The following DLG4 variants were observed in gnomAD, a reference collection of about 807,000 sequenced individuals.
DLG4 encodes disks large homolog 4.
In DLG4, 7 loss-of-function variants were observed where a neutral mutation model predicts 93.8. That is an observed-to-expected ratio of 0.07 (90% CI 0.04 to 0.14). The LOEUF (loss-of-function observed/expected upper bound fraction) is 0.14. DLG4 is among the 10% of genes least tolerant of loss of function. The probability of loss-of-function intolerance (pLI) is 1.00; values close to 1 mark genes in which losing one functional copy is unlikely to be tolerated. For synonymous variants in DLG4, 341 were observed against 387.6 expected (o/e 0.88, Z 1.41); for missense variants, 545 against 992.9 (o/e 0.55, Z 6.06).
rs1375352802 is a variant in DLG4 at position 7,187,685 on chromosome 17, G to A, written c.*3023C>T. Among the ~76,000 whole-genome samples the A allele has an allele frequency of 6.6e-6, 1 of 152,052 alleles. No homozygotes were observed. The highest frequency in any genetic ancestry group is 1.5e-5 in the Non-Finnish European group (1 of 68,024). The stretch of plus-strand genomic sequence containing the variant: ...CTGCACACACCTTCCTCAGCTCCTA[G>A]ATTTCTCCCTTCAGCTCACGATAGA... On this transcript the variant is annotated 3_prime_UTR_variant, in exon 20 of 20. Transcript: ENST00000399506.
At chr17:7,202,148 C>T (rs541178992) in intron 8 of DLG4, among the ~76,000 whole-genome samples, 40 of 152,328 alleles carry the variant, frequency 2.6e-4, no homozygotes, top group African/African-American at 9.6e-4. Context: ...CAATCATTGG[C>T]TTACTGCAGC....
Position 7,203,142 on chromosome 17 carries a change from G to C in DLG4, c.642+51C>G. The C allele has an allele frequency of 1.3e-6, 2 of 1,570,362 alleles. No homozygotes were observed. The highest frequency in any genetic ancestry group is 1.7e-6 in the Non-Finnish European group (2 of 1,150,234). ...GATGAACTTGGGCCTGCCAGGGCTA[G>C]TAGGTGAGACCCAAATCTGGGCTAG... On this transcript the variant is annotated intron_variant, in intron 7 of 19. Transcript: ENST00000399506. This position sits in a 1 kb window ranked among gnomAD's most constrained non-coding sequence, Gnocchi z 7.2.
rs2070985180 is a variant in DLG4 at position 7,217,560 on chromosome 17, G to A, written c.-413C>T. The A allele has an allele frequency of 3.3e-6, 3 of 898,132 alleles. No individual in the cohort carries two copies. Among genetic ancestry groups the A allele is most frequent in the Non-Finnish European group, 3.9e-6 (3 of 761,518 alleles). 55.6% of individuals were successfully genotyped at this position (898,132 alleles called of 1,614,324 possible). ...CTAGGGGCCGTGGCGGGGGAGTGGG[G>A]TGGGGGGGTTGGAAACGGCAGCGGC... On this transcript the variant is annotated 5_prime_UTR_variant, in exon 1 of 20. Coordinates refer to ENST00000399506, the MANE Select transcript of DLG4 (RefSeq NM_001321075.3).
rs375858040 is a variant in DLG4 at position 7,196,458 on chromosome 17, C to T, written c.1186+15G>A. 5.6e-6 allele frequency: 9 copies of T among 1,613,736 alleles called. No homozygotes were observed. In the African/African-American group the frequency reaches 1.2e-4, roughly 22 times the overall value. On this transcript the variant is annotated intron_variant, in intron 10 of 19. Coordinates refer to ENST00000399506, the MANE Select transcript of DLG4 (RefSeq NM_001321075.3). The surrounding 1 kb of genome is among the most constrained non-coding windows in gnomAD (Gnocchi z 8.3). ...CCATTTCAGCTCACAAGACAAGGAA[C>T]TTCCGGCCTGGTACCTTCTGGTTTA... is the stretch of plus-strand genomic sequence containing the variant.
rs150316954 is a variant in DLG4, at chr17:7,189,218, G to A, written c.*1490C>T. On this transcript the variant is annotated 3_prime_UTR_variant, in exon 20 of 20. Coordinates refer to ENST00000399506, the MANE Select transcript of DLG4 (RefSeq NM_001321075.3). ...TGTAAAGATCATTTCCAGGCCAGGC[G>A]CGGTGGCTCACGCCTGTAATCCCAG... is the stretch of plus-strand genomic sequence containing the variant. Among the ~76,000 whole-genome samples the A allele has an allele frequency of 0.015, 2,308 of 151,686 alleles. 23 individuals carry two copies. The highest frequency in any genetic ancestry group is 0.023 in the Non-Finnish European group (1,536 of 67,906).
Position 7,196,377 on chromosome 17 carries a change from A to G in DLG4, c.1187-43T>C, listed in dbSNP as rs376494277. ...GGTTTCTGAGCTCTGTCCCCATCCT[A>G]CTGTCACCCCTGTCCTCCCCTACTG... On this transcript the variant is annotated intron_variant, in intron 10 of 19. Coordinates refer to ENST00000399506, the MANE Select transcript of DLG4 (RefSeq NM_001321075.3). This position sits in a 1 kb window ranked among gnomAD's most constrained non-coding sequence, Gnocchi z 8.3. 4 of 1,610,504 alleles carry G rather than the reference A, an allele frequency of 2.5e-6. No homozygotes were observed. Among genetic ancestry groups the G allele is most frequent in the African/African-American group, 2.7e-5 (2 of 74,952 alleles).
chr17:7,196,987 C>G lies in DLG4; in HGVS notation c.853G>C (p.Ala285Pro). Reference sequence around the variant, plus strand: ...CGCCGAGGGGAAGTGGGGGTCATGGCTGTGGGGTAGTCGGTGCCCAGGTAG... The same window carrying G: ...CGCCGAGGGGAAGTGGGGGTCATGGGTGTGGGGTAGTCGGTGCCCAGGTAG... The part of the protein sequence containing the change: ...SSYLGTDYPT[A>P]MTPTSPRRYS... The change falls in exon 9 of 20, where the codon GCC becomes CCC. Residue 285 changes from alanine (A) to proline (P), a missense_variant. Physicochemically the swap from Ala to Pro is conservative, Grantham distance 27. Transcript: ENST00000399506. This position sits in a 1 kb window ranked among gnomAD's most constrained non-coding sequence, Gnocchi z 8.3. 6.2e-7 allele frequency: 1 copy of G among 1,613,712 alleles called. No individual in the cohort carries two copies.
rs775658206 is a variant in DLG4 at position 7,203,551 on chromosome 17, G to A, written c.378C>T (p.Arg126=). ...SILFVNEVDV[R]EVTHSAAVEA... The stretch of plus-strand genomic sequence containing the variant: ...CCACCGCCGCTGAGTGGGTCACCTC[G>A]CGCACGTCCACTTCATTTACAAACA... The change falls in exon 6 of 20, where the codon CGC becomes CGT. Residue 126 remains arginine, a synonymous_variant. Coordinates refer to ENST00000399506, the MANE Select transcript of DLG4 (RefSeq NM_001321075.3). This position sits in a 1 kb window ranked among gnomAD's most constrained non-coding sequence, Gnocchi z 7.2. The A allele has an allele frequency of 9.9e-6, 16 of 1,613,224 alleles. No homozygotes were observed. The highest frequency in any genetic ancestry group is 3.3e-4 in the Middle Eastern group (2 of 6,062).
chr17:7,205,692 T>G (rs2070426092), intron 2 of DLG4, among the ~76,000 whole-genome samples: 2 of 144,786 alleles, frequency 1.4e-5, no homozygotes, highest in East Asian at 2.1e-4. Flanking sequence ...CATCCACGTG[T>G]TCATCCCCCA....
Position 7,191,354 on chromosome 17 carries a change from T to C in DLG4, c.1981A>G (p.Ile661Val). The C allele has an allele frequency of 6.2e-7, 1 of 1,613,802 alleles. No homozygotes were observed. The highest frequency in any genetic ancestry group is 8.5e-7 in the Non-Finnish European group (1 of 1,179,814). Residue 661 changes from isoleucine to valine, a missense_variant, in exon 19 of 20, where the codon ATT becomes GTT. By Grantham distance (29) the Ile-to-Val change is conservative. This residue lies in a region of DLG4 where 428 missense variants were observed against 741.4 expected (regional missense o/e 0.58). Coordinates refer to ENST00000399506, the MANE Select transcript of DLG4 (RefSeq NM_001321075.3). This position sits in a 1 kb window ranked among gnomAD's most constrained non-coding sequence, Gnocchi z 6.6. ...TGCTCCTCTGTGATCCGCTTGTTAA[T>C]CTCTCTGTGAAGAGGGAGGGAGAGC... is the stretch of plus-strand genomic sequence containing the variant. Reference protein sequence around the residue: ...RPRSLENVLEINKRITEEQAR... With the variant: ...RPRSLENVLEVNKRITEEQAR...
Position 7,217,211 on chromosome 17 carries a change from C to T in DLG4, c.-64G>A. The T allele has an allele frequency of 7.9e-7, 1 of 1,262,782 alleles. No homozygotes were observed. The highest frequency in any genetic ancestry group is 3.2e-5 in the East Asian group (1 of 31,646). 78.2% of individuals were successfully genotyped at this position (1,262,782 alleles called of 1,614,324 possible). On this transcript the variant is annotated 5_prime_UTR_variant, in exon 1 of 20. Transcript: ENST00000399506. The stretch of plus-strand genomic sequence containing the variant: ...GACTTCATCGGAGTTTCGTTCCTCC[C>T]CTCCGTGGGTTCTCACCCCTCCCCC...
At position 7,208,227 on chromosome 17, in the gene DLG4, G is replaced by C; in HGVS notation, c.43C>G (p.Gln15Glu). ...CIVTTKKYRY[Q>E]DEDTPPLEHS... ...TCCAGAGGGGGCGTGTCTTCATCTT[G>C]GTAGCGGTATTTCTGGGGATGGGGA... The change falls in exon 2 of 20, where the codon CAA (glutamine) becomes GAA (glutamate). Residue 15 changes from glutamine (Q) to glutamate (E), a missense_variant. By Grantham distance (29) the Gln-to-Glu change is conservative (BLOSUM62 2). Coordinates refer to ENST00000399506, the MANE Select transcript of DLG4 (RefSeq NM_001321075.3). This position sits in a 1 kb window ranked among gnomAD's most constrained non-coding sequence, Gnocchi z 5.4. The C allele has an allele frequency of 7.6e-7, 1 of 1,312,864 alleles. No individual in the cohort carries two copies. The highest frequency in any genetic ancestry group is 9.8e-7 in the Non-Finnish European group (1 of 1,021,518). 81.3% of individuals were successfully genotyped at this position (1,312,864 alleles called of 1,614,324 possible). A position where few individuals can be genotyped will look rare whatever the true frequency, so the allele number is the denominator to read the frequency against.
intron 19 of DLG4, 89 bp from the exon 20 acceptor site, chr17:7,190,903 A>G: frequency 1.0e-6 from 1 of 993,812 alleles, no homozygotes; most frequent in Non-Finnish European, 1.5e-6. Context: ...AGGAAGGGGC[A>G]CCTCTTTCCA....
In DLG4 at chr17:7,191,407, T is replaced by C; in HGVS notation, c.1977-49A>G. On this transcript the variant is annotated intron_variant, in intron 18 of 19. Transcript: ENST00000399506. The surrounding 1 kb of genome is among the most constrained non-coding windows in gnomAD (Gnocchi z 6.6). ...GCCTGAGACTGGACCCACCTGACCC[T>C]GCCTTTTATCTCCTCTATCCAGGAA... 6.9e-7 allele frequency: 1 copy of C among 1,448,832 alleles called. No homozygotes were observed. Among genetic ancestry groups the C allele is most frequent in the Non-Finnish European group, 9.7e-7 (1 of 1,031,124 alleles). The allele number at this position is 1,448,832 out of a possible 1,614,324, so 89.7% of individuals were successfully genotyped here. A position where few individuals can be genotyped will look rare whatever the true frequency, so the allele number is the denominator to read the frequency against.
chr17:7,205,519 T>C (rs1376072866), intron 2 of DLG4, among the ~76,000 whole-genome samples: 4 of 150,892 alleles, frequency 2.7e-5, no homozygotes, highest in Non-Finnish European at 4.4e-5. Flanking sequence ...TCCAAAGGGG[T>C]CCCTCCCCTC....
chr17:7,207,362 G>A (rs1403438675), intron 2 of DLG4, among the ~76,000 whole-genome samples: 2 of 152,042 alleles, frequency 1.3e-5, no homozygotes, highest in Non-Finnish European at 2.9e-5. Flanking sequence ...CAGCCAGCCA[G>A]CCAGCCAGCA....
chr17:7,217,039 A>G, intron 1 of DLG4, 79 bp downstream of exon 1: 1 of 1,207,986 alleles, frequency 8.3e-7, no homozygotes, highest in Non-Finnish European at 1.1e-6. Context: ...CAGGGGCGCC[A>G]GTCCCAGATA....
chr17:7,218,447 G>A, upstream of DLG4: 1 of 1,417,512 alleles, frequency 7.1e-7, no homozygotes, highest in South Asian at 1.2e-5. Context: ...TGGTGCTCCA[G>A]CTTGGACCAA....
chr17:7,201,004 C>T (rs1296177640), intron 8 of DLG4, among the ~76,000 whole-genome samples: 3 of 151,772 alleles, frequency 2.0e-5, no homozygotes, highest in Non-Finnish European at 2.9e-5. Context: ...GTATTACAGG[C>T]GCTCGCCACC....
Sources: gnomAD v4.1 joint callset for allele counts (sites outside exome capture counted in the v4.1 genomes callset) on GRCh38, gnomAD v4.1.1 for gene constraint, gnomAD v4.1.1 regional missense constraint, Gnocchi (gnomAD v3.1) non-coding constraint, MANE v1.5 for transcripts, NCBI Gene and HGNC (gene_info 2026-07-23, HGNC 2026-07-21) for gene names.